The following EHBP1 variants were observed in gnomAD, a reference collection of about 807,000 sequenced individuals.
EHBP1 encodes EH domain binding protein 1.
Under a neutral mutation model 144.0 loss-of-function variants are expected in EHBP1, and 55 were observed. The observed-to-expected ratio is 0.38, with a 90% CI of 0.31 to 0.48. EHBP1 has a LOEUF of 0.48. Among genes scored for constraint, EHBP1 ranks in the 20% least tolerant of loss-of-function variants. The probability of loss-of-function intolerance (pLI) is 0.98; values close to 1 mark genes in which losing one functional copy is unlikely to be tolerated. For missense variants in EHBP1, 1,200 were observed against 1,364.2 expected, an observed-to-expected ratio of 0.88 and a Z score of 1.90; for synonymous variants, 469 against 472.7, an observed-to-expected ratio of 0.99 and a Z score of 0.10.
intron 10 of EHBP1, among the ~76,000 whole-genome samples, chr2:62,938,150 T>A (rs187223301): frequency 6.6e-6 from 1 of 152,154 alleles, no homozygotes; most frequent in Non-Finnish European, 1.5e-5. Flanking sequence ...AATGAGCAGG[T>A]TGTAAAGAAA....
At chr2:63,031,601 G>A (rs1040972276) in intron 19 of EHBP1, among the ~76,000 whole-genome samples, 25 of 152,048 alleles carry the variant, frequency 1.6e-4, no homozygotes, top group Non-Finnish European at 1.5e-5. Flanking sequence ...AAAAGTTATG[G>A]ATGCATCATC....
At chr2:62,898,866 T>C (rs1287487681) in intron 10 of EHBP1, among the ~76,000 whole-genome samples, 1 of 152,154 alleles carries the variant, frequency 6.6e-6, no homozygotes, top group Non-Finnish European at 1.5e-5. Context: ...GATAATTTTG[T>C]GTTTTAAAAA....
chr2:63,045,219 TG>T lies in EHBP1; in HGVS notation c.3392+40del. 6.5e-7 allele frequency: 1 copy of T among 1,528,974 alleles called. No homozygotes were observed. The highest frequency in any genetic ancestry group is 8.9e-7 in the Non-Finnish European group (1 of 1,123,928). The allele number at this position is 1,528,974 out of a possible 1,614,324, so 94.7% of individuals were successfully genotyped here. A position where few individuals can be genotyped will look rare whatever the true frequency, so the allele number is the denominator to read the frequency against. On this transcript the variant is annotated intron_variant, in intron 22 of 22. Transcript: ENST00000431489. This position sits in a 1 kb window ranked among gnomAD's most constrained non-coding sequence, Gnocchi z 5.7. ...GGGGTCGGGTCGAGGCTGGGCCACCTGCCGAGGGGCCGAGAAGTGTGCGGAA... is the reference window on the plus strand; with the variant it reads ...GGGGTCGGGTCGAGGCTGGGCCACCTCCGAGGGGCCGAGAAGTGTGCGGAA...
chr2:62,963,278 T>A (rs2058085923), intron 14 of EHBP1, among the ~76,000 whole-genome samples: 1 of 152,204 alleles, frequency 6.6e-6, no homozygotes, highest in Non-Finnish European at 1.5e-5. Flanking sequence ...ATCAACCGCG[T>A]ACTTTTGATG....
rs534539983 is a variant in EHBP1, at chr2:62,899,720, T to C, written c.1185+25188T>C. Among the ~76,000 whole-genome samples, 7 of 152,350 alleles carry C rather than the reference T, an allele frequency of 4.6e-5. No homozygotes were observed. In the South Asian group the frequency reaches 1.0e-3, roughly 23 times the overall value. ...TGCTAAATCATGAAAATCTTTGACA[T>C]AGGACATTCTACCTTGATTTATCTG... is the stretch of plus-strand genomic sequence containing the variant. On this transcript the variant is annotated intron_variant, in intron 10 of 22. Transcript: ENST00000431489.
chr2:62,851,451 A>T (rs922583595), intron 7 of EHBP1, among the ~76,000 whole-genome samples: 3 of 152,188 alleles, frequency 2.0e-5, no homozygotes, highest in Non-Finnish European at 4.4e-5. Context: ...GTAGATAAAA[A>T]TCCAGAAAGC....
intron 19 of EHBP1, among the ~76,000 whole-genome samples, chr2:63,021,511 C>A (rs2060747351): frequency 1.3e-5 from 2 of 152,138 alleles, no homozygotes; most frequent in South Asian, 2.1e-4. Context: ...TGAACTTAGA[C>A]ATTGTATTTT....
chr2:63,041,787 T>C (rs1033340893), intron 21 of EHBP1, among the ~76,000 whole-genome samples: 1 of 152,182 alleles, frequency 6.6e-6, no homozygotes, highest in South Asian at 2.1e-4. Context: ...AATCCCCCAA[T>C]GTGCTCTTTA....
intron 10 of EHBP1, among the ~76,000 whole-genome samples, chr2:62,899,342 G>T (rs951780395): frequency 6.6e-6 from 1 of 152,202 alleles, no homozygotes; most frequent in Non-Finnish European, 1.5e-5. Flanking sequence ...CTGGCTTCAA[G>T]TGTCTCAAGG....
At chr2:62,882,094 T>C (rs2051482630) in intron 10 of EHBP1, among the ~76,000 whole-genome samples, 1 of 152,222 alleles carries the variant, frequency 6.6e-6, no homozygotes, top group Admixed American at 6.5e-5. Flanking sequence ...AGTAGACAAG[T>C]TTTAATTTCA....
Position 62,710,605 on chromosome 2 carries a change from T to C in EHBP1, c.104+3310T>C, listed in dbSNP as rs529277948. Among the ~76,000 whole-genome samples, 43 of 152,178 alleles carry C rather than the reference T, an allele frequency of 2.8e-4. No homozygotes were observed. The South Asian group carries it at 7.3e-3, about 26-fold the overall frequency. ...GTACAAAAAGGTGAAGATACATCCC[T>C]GAAAGTAACTCTTCTTTTTGTTCAT... On this transcript the variant is annotated intron_variant, in intron 2 of 22. Transcript: ENST00000431489.
At chr2:62,800,626 T>C (rs1338702954) in intron 5 of EHBP1, among the ~76,000 whole-genome samples, 1 of 152,202 alleles carries the variant, frequency 6.6e-6, no homozygotes, top group South Asian at 2.1e-4. Flanking sequence ...CTTAGGGTTT[T>C]TGTTCTATTT....
intron 10 of EHBP1, among the ~76,000 whole-genome samples, chr2:62,900,933 T>C (rs1260929172): frequency 6.6e-6 from 1 of 152,180 alleles, no homozygotes; most frequent in African/African-American, 2.4e-5. Context: ...AGCAGTTGTT[T>C]GAGTTTATAT....
chr2:62,915,059 C>A (rs2054503636), intron 10 of EHBP1, among the ~76,000 whole-genome samples: 1 of 151,744 alleles, frequency 6.6e-6, no homozygotes, highest in Admixed American at 6.6e-5. Flanking sequence ...ATGTGCCTTC[C>A]CCATAGTTGG....
At chr2:62,976,471 T>C (rs747288587) in intron 14 of EHBP1, among the ~76,000 whole-genome samples, 2 of 152,192 alleles carry the variant, frequency 1.3e-5, no homozygotes, top group Non-Finnish European at 2.9e-5. Flanking sequence ...CCAAGTTTCA[T>C]TGCCCTTTTA....
At chr2:62,977,922 T>C (rs192100805) in intron 14 of EHBP1, among the ~76,000 whole-genome samples, 1 of 151,862 alleles carries the variant, frequency 6.6e-6, no homozygotes, top group Admixed American at 6.6e-5. Flanking sequence ...GAAGAATGAG[T>C]AGAAATTAAA....
chr2:62,736,457 C>A (rs560788241), intron 2 of EHBP1, among the ~76,000 whole-genome samples: 10 of 152,210 alleles, frequency 6.6e-5, no homozygotes, highest in Admixed American at 3.9e-4. Context: ...CTCCTGACCT[C>A]AAGTGATCCA....
At chr2:62,892,214 A>G (rs1418151567) in intron 10 of EHBP1, among the ~76,000 whole-genome samples, 1 of 152,068 alleles carries the variant, frequency 6.6e-6, no homozygotes, top group Non-Finnish European at 1.5e-5. Flanking sequence ...CACCACCACC[A>G]CGTGTTATTG....
At chr2:62,743,544 G>C (rs541328192) in intron 2 of EHBP1, among the ~76,000 whole-genome samples, 1 of 152,044 alleles carries the variant, frequency 6.6e-6, no homozygotes, top group Non-Finnish European at 1.5e-5. Flanking sequence ...TAGGCATTCA[G>C]TAAAATATTT....
Sources: allele counts gnomAD v4.1 joint callset (sites outside exome capture counted in the v4.1 genomes callset), GRCh38; gene constraint gnomAD v4.1.1; non-coding constraint Gnocchi (gnomAD v3.1); transcripts MANE v1.5; gene names NCBI Gene and HGNC (gene_info 2026-07-23, HGNC 2026-07-21).